FZD3: variants seen among roughly 807,000 people sequenced by gnomAD.
FZD3 encodes frizzled-3.
A neutral mutation model predicts 60.7 loss-of-function variants in FZD3; 30 were observed. That is an observed-to-expected ratio of 0.49 (90% CI 0.37 to 0.67). The LOEUF is 0.67. FZD3 is among the 30% of genes least tolerant of loss of function. The pLI is 0.00. For missense variants in FZD3, 605 were observed against 838.7 expected, an observed-to-expected ratio of 0.72 and a Z score of 3.44; for synonymous variants, 246 against 275.2, an observed-to-expected ratio of 0.89 and a Z score of 1.05.
Position 28,568,740 on chromosome 8 carries a change from A to G in FZD3, c.*5729A>G, listed in dbSNP as rs1390662295. 1 of 152,134 alleles carries G rather than the reference A, an allele frequency of 6.6e-6. No homozygotes were observed. Among genetic ancestry groups the G allele is most frequent in the African/African-American group, 2.4e-5 (1 of 41,446 alleles). The allele number at this position is 152,134 out of a possible 1,614,324, so 9.4% of individuals were successfully genotyped here. A position where few individuals can be genotyped will look rare whatever the true frequency, so the allele number is the denominator to read the frequency against. The stretch of plus-strand genomic sequence containing the variant: ...CACTTATATTTTAGTCAAACACCAA[A>G]CCACTGCATTACTTACTTCCTATAA... On this transcript the variant is annotated 3_prime_UTR_variant, in exon 8 of 8. Transcript: ENST00000240093.
chr8:28,510,466 T>C (rs569582232), intron 3 of FZD3, among the ~76,000 whole-genome samples: 56 of 152,330 alleles, frequency 3.7e-4, no homozygotes, highest in Non-Finnish European at 5.9e-4. Flanking sequence ...CAAAATAATA[T>C]GTTGTCATGT....
intron 6 of FZD3, among the ~76,000 whole-genome samples, chr8:28,552,893 G>A (rs534233359): frequency 6.6e-6 from 1 of 152,140 alleles, no homozygotes; most frequent in East Asian, 1.9e-4. Flanking sequence ...ATTCCAAAAA[G>A]CAAAACTTGA....
chr8:28,505,067 CAG>C (rs1363680822), intron 3 of FZD3: 1 of 154,792 alleles, frequency 6.5e-6, no homozygotes, highest in Non-Finnish European at 1.5e-5. Context: ...ATGCCACTGA[CAG>C]AAAGAATAAT....
At chr8:28,511,070 G>A (rs1309240358) in intron 3 of FZD3, among the ~76,000 whole-genome samples, 1 of 151,736 alleles carries the variant, frequency 6.6e-6, no homozygotes, top group African/African-American at 2.4e-5. Flanking sequence ...TAACATTGCC[G>A]GCAAGGTGCG....
chr8:28,511,019 G>A (rs534790056), intron 3 of FZD3, among the ~76,000 whole-genome samples: 2 of 151,842 alleles, frequency 1.3e-5, no homozygotes, highest in East Asian at 2.0e-4. Flanking sequence ...CCTGGGCAAC[G>A]GAGTGAGACT....
intron 3 of FZD3, among the ~76,000 whole-genome samples, chr8:28,511,948 C>T (rs1193012856): frequency 6.6e-6 from 1 of 152,060 alleles, no homozygotes; most frequent in Non-Finnish European, 1.5e-5. Flanking sequence ...ACTTTATAAA[C>T]CCTAAATCCC....
At chr8:28,510,716 A>T (rs1563383963) in intron 3 of FZD3, among the ~76,000 whole-genome samples, 2 of 152,222 alleles carry the variant, frequency 1.3e-5, no homozygotes, top group South Asian at 4.1e-4. Context: ...TATAAGGATC[A>T]AACGAGATAT....
intron 4 of FZD3, among the ~76,000 whole-genome samples, chr8:28,523,776 TC>T (rs1180415175): frequency 1.3e-5 from 2 of 151,910 alleles, no homozygotes; most frequent in Admixed American, 1.3e-4. Flanking sequence ...AATATTCAGG[TC>T]CCCCAAAGTT....
At chr8:28,547,557 A>G (rs1805323738) in intron 5 of FZD3, among the ~76,000 whole-genome samples, 2 of 152,242 alleles carry the variant, frequency 1.3e-5, no homozygotes, top group African/African-American at 4.8e-5. Context: ...ATACTGTCAG[A>G]CTTTTGGATC....
At position 28,527,479 on chromosome 8, in the gene FZD3, T is replaced by A; in HGVS notation, c.719T>A (p.Phe240Tyr). The change falls in exon 5 of 8, where the codon TTT becomes TAT. Residue 240 changes from phenylalanine to tyrosine, a missense_variant. By Grantham distance (22) the Phe-to-Tyr change is conservative. Coordinates refer to ENST00000240093, the MANE Select transcript of FZD3 (RefSeq NM_017412.4). This position sits in a 1 kb window ranked among gnomAD's most constrained non-coding sequence, Gnocchi z 5.0. ...RFRYPERPII[F>Y]YAVCYMMVSL... ...CGTTATCCTGAAAGGCCTATTATAT[T>A]TTATGCAGTCTGCTACATGATGGTA... 1 of 1,613,730 alleles carries A rather than the reference T, an allele frequency of 6.2e-7. No individual in the cohort carries two copies. The highest frequency in any genetic ancestry group is 8.5e-7 in the Non-Finnish European group (1 of 1,179,664).
chr8:28,561,059 A>G (rs954357948), intron 7 of FZD3, among the ~76,000 whole-genome samples: 6 of 152,070 alleles, frequency 3.9e-5, no homozygotes, highest in Admixed American at 3.9e-4. Context: ...AACAAAATAC[A>G]TGTTTTTGTT....
At chr8:28,547,789 C>A (rs1805327750) in intron 5 of FZD3, among the ~76,000 whole-genome samples, 1 of 150,818 alleles carries the variant, frequency 6.6e-6, no homozygotes, top group African/African-American at 2.4e-5. Flanking sequence ...TTTTTATTGT[C>A]TTTTGGCTGT....
intron 3 of FZD3, among the ~76,000 whole-genome samples, chr8:28,517,815 A>T (rs1279533666): frequency 2.0e-5 from 3 of 152,092 alleles, no homozygotes. Flanking sequence ...AGTCATTGTT[A>T]TATACAGTCT....
rs114321463 is a variant in FZD3, at chr8:28,550,076, A to G, written c.1405-1527A>G. ...TTTTCTTTGTCTGTGTTTTCAGACAATTTGAAATTATGTGTTCTTTAATGG... is the reference window on the plus strand; with the variant it reads ...TTTTCTTTGTCTGTGTTTTCAGACAGTTTGAAATTATGTGTTCTTTAATGG... On this transcript the variant is annotated intron_variant, in intron 5 of 7. Transcript: ENST00000240093. Among the ~76,000 whole-genome samples the G allele has an allele frequency of 5.4e-3, 816 of 152,240 alleles. 10 individuals carry two copies. Among genetic ancestry groups the G allele is most frequent in the African/African-American group, 0.019 (773 of 41,558 alleles).
At chr8:28,562,526 G>A (rs989930594) in intron 7 of FZD3, among the ~76,000 whole-genome samples, 1 of 152,140 alleles carries the variant, frequency 6.6e-6, no homozygotes, top group Non-Finnish European at 1.5e-5. Flanking sequence ...ATCGAGTGCA[G>A]CTTCAAATCG....
chr8:28,532,615 A>G (rs944890046), intron 5 of FZD3, among the ~76,000 whole-genome samples: 28 of 150,374 alleles, frequency 1.9e-4, no homozygotes, highest in African/African-American at 6.4e-4. Flanking sequence ...TTTTGTAGAG[A>G]TGGGGTCTCC....
At chr8:28,543,442 G>A (rs987535204) in intron 5 of FZD3, among the ~76,000 whole-genome samples, 4 of 151,894 alleles carry the variant, frequency 2.6e-5, no homozygotes, top group Admixed American at 6.5e-5. Context: ...GTGCAGTGGC[G>A]CAGTCTCGGC....
intron 5 of FZD3, among the ~76,000 whole-genome samples, chr8:28,546,638 C>A (rs181341869): frequency 6.6e-6 from 1 of 152,084 alleles, no homozygotes; most frequent in South Asian, 2.1e-4. Flanking sequence ...AATCTTCATA[C>A]GTATATTTTT....
chr8:28,554,608 G>A (rs1010448786), intron 6 of FZD3, among the ~76,000 whole-genome samples: 1 of 151,922 alleles, frequency 6.6e-6, no homozygotes, highest in African/African-American at 2.4e-5. Context: ...ATGAAATGGG[G>A]ATTACAATAT....
Sources: allele counts gnomAD v4.1 joint callset (sites outside exome capture counted in the v4.1 genomes callset), GRCh38; gene constraint gnomAD v4.1.1; non-coding constraint Gnocchi (gnomAD v3.1); transcripts MANE v1.5; gene names NCBI Gene and HGNC (gene_info 2026-07-23, HGNC 2026-07-21).